HHIP: variants seen among roughly 807,000 people sequenced by gnomAD.
HHIP encodes the protein hedgehog-interacting protein.
HHIP carries 12 observed loss-of-function variants against 74.0 expected under a neutral mutation model. The ratio of observed to expected loss-of-function variants is 0.16; its 90% CI spans 0.10 to 0.26. The LOEUF is 0.26. HHIP is among the 10% of genes least tolerant of loss of function. HHIP has a pLI of 1.00. For missense variants in HHIP, 788 were observed against 845.0 expected, an observed-to-expected ratio of 0.93 and a Z score of 0.84; for synonymous variants, 309 against 311.6, an observed-to-expected ratio of 0.99 and a Z score of 0.09.
intron 4 of HHIP, among the ~76,000 whole-genome samples, chr4:144,694,112 C>A (rs1192272168): frequency 2.6e-5 from 4 of 151,788 alleles, no homozygotes; most frequent in Admixed American, 2.6e-4. Flanking sequence ...ATCAAAGATT[C>A]AAAGAATTTG....
At position 144,657,002 on chromosome 4, in the gene HHIP, G is replaced by T. The variant is rs367923218; in HGVS notation, c.473-1788G>T. Among the ~76,000 whole-genome samples the T allele has an allele frequency of 1.3e-4, 19 of 151,778 alleles. No individual in the cohort carries two copies. The South Asian group carries it at 3.3e-3, about 27-fold the overall frequency. ...CCTCTTTTTCTCTGTGCCCCCCACC[G>T]CATGCATGTACACACACATACACAC... On this transcript the variant is annotated intron_variant, in intron 2 of 12. Transcript: ENST00000296575.
At chr4:144,711,039 T>C (rs1235789622) in intron 7 of HHIP, among the ~76,000 whole-genome samples, 1 of 100,634 alleles carries the variant, frequency 9.9e-6, no homozygotes, top group African/African-American at 3.4e-5. Context: ...AGTGATGAAG[T>C]TGCAAGTCCT....
At chr4:144,717,706 A>C (rs1730496858) in intron 10 of HHIP, among the ~76,000 whole-genome samples, 1 of 152,044 alleles carries the variant, frequency 6.6e-6, no homozygotes, top group African/African-American at 2.4e-5. Context: ...CAAGAGTTAG[A>C]GTTTAGAGAG....
At chr4:144,719,633 T>C (rs1302227423) in intron 11 of HHIP, among the ~76,000 whole-genome samples, 1 of 152,232 alleles carries the variant, frequency 6.6e-6, no homozygotes, top group Non-Finnish European at 1.5e-5. Context: ...GTTAATTTCA[T>C]GGATCAAACC....
At chr4:144,684,701 T>A (rs574750044) in intron 4 of HHIP, among the ~76,000 whole-genome samples, 10 of 152,318 alleles carry the variant, frequency 6.6e-5, no homozygotes, top group African/African-American at 2.4e-4. Context: ...TTTGAGATTA[T>A]GGTTTATATT....
chr4:144,705,206 A>T (rs756572739), intron 4 of HHIP, among the ~76,000 whole-genome samples: 14 of 152,208 alleles, frequency 9.2e-5, no homozygotes, highest in Non-Finnish European at 1.5e-4. Flanking sequence ...GATGTTTATT[A>T]AAAGTAAACT....
At chr4:144,700,990 T>C (rs1444285108) in intron 4 of HHIP, among the ~76,000 whole-genome samples, 1 of 152,034 alleles carries the variant, frequency 6.6e-6, no homozygotes, top group South Asian at 2.1e-4. Flanking sequence ...GGTCCCATTT[T>C]AGTCCCAAGT....
intron 11 of HHIP, among the ~76,000 whole-genome samples, chr4:144,721,326 G>A (rs1730628360): frequency 6.6e-6 from 1 of 151,928 alleles, no homozygotes; most frequent in South Asian, 2.1e-4. Context: ...CACACAATGA[G>A]GGAGTTTAGA....
Position 144,737,896 on chromosome 4 carries a change from T to C in HHIP, c.2042T>C (p.Ile681Thr). The C allele has an allele frequency of 6.2e-7, 1 of 1,613,556 alleles. No homozygotes were observed. Among genetic ancestry groups the C allele is most frequent in the Non-Finnish European group, 8.5e-7 (1 of 1,179,636 alleles). The change falls in exon 13 of 13, where the codon ATT becomes ACT. Residue 681 changes from isoleucine to threonine, a missense_variant. Around this residue, in one of 3 missense-constraint regions of HHIP, gnomAD observed 343 missense variants for 347.9 expected, o/e 0.99. Coordinates refer to ENST00000296575, the MANE Select transcript of HHIP (RefSeq NM_022475.3). Reference sequence around the variant, plus strand: ...ATCCGCAGAGTGACCAGGGCAGGTATTCTTGATCAGATCATTGACATGACA... The same window carrying C: ...ATCCGCAGAGTGACCAGGGCAGGTACTCTTGATCAGATCATTGACATGACA... ...RNIRRVTRAGILDQIIDMTSY... is the reference protein window; with the variant it reads ...RNIRRVTRAGTLDQIIDMTSY...
At chr4:144,714,397 A>G in intron 9 of HHIP, 49 bp downstream of exon 9, 2 of 1,590,642 alleles carry the variant, frequency 1.3e-6, no homozygotes, top group East Asian at 2.2e-5. Context: ...TGACATATCC[A>G]TTAATCATTT....
chr4:144,677,020 A>G (rs1242954892), intron 4 of HHIP, among the ~76,000 whole-genome samples: 1 of 152,202 alleles, frequency 6.6e-6, no homozygotes, highest in African/African-American at 2.4e-5. Context: ...TACCTATAAA[A>G]CATCTTATAT....
chr4:144,672,416 G>A (rs1039529290), intron 4 of HHIP, among the ~76,000 whole-genome samples: 4 of 152,132 alleles, frequency 2.6e-5, no homozygotes, highest in South Asian at 2.1e-4. Context: ...TTCAAACCTC[G>A]GTCAAGGTGA....
chr4:144,687,322 T>C (rs920971565), intron 4 of HHIP, among the ~76,000 whole-genome samples: 9 of 152,198 alleles, frequency 5.9e-5, no homozygotes, highest in African/African-American at 2.2e-4. Flanking sequence ...ATTCCACAGA[T>C]GGTGCTACTC....
chr4:144,671,943 C>A (rs1429573749), intron 4 of HHIP, among the ~76,000 whole-genome samples: 1 of 152,136 alleles, frequency 6.6e-6, no homozygotes. Context: ...GAGATCATGC[C>A]ATTGCACTCC....
rs534896291 is a variant in HHIP, at chr4:144,738,830, C to T, written c.*873C>T. The T allele has an allele frequency of 1.1e-5, 3 of 272,640 alleles. No homozygotes were observed. The highest frequency in any genetic ancestry group is 1.7e-5 in the Non-Finnish European group (3 of 178,016). The allele number at this position is 272,640 out of a possible 1,614,324, so 16.9% of individuals were successfully genotyped here. On this transcript the variant is annotated 3_prime_UTR_variant, in exon 13 of 13. Coordinates refer to ENST00000296575, the MANE Select transcript of HHIP (RefSeq NM_022475.3). ...GAGAAAGCAAACAGTCTTTAATGTG[C>T]TGTGGATCTAATCTAGCAAGGTATC...
chr4:144,705,363 C>T (rs907647797), intron 4 of HHIP, among the ~76,000 whole-genome samples: 1 of 152,060 alleles, frequency 6.6e-6, no homozygotes, highest in South Asian at 2.1e-4. Flanking sequence ...GAAGAGGTTG[C>T]AGTATTAGAG....
intron 11 of HHIP, among the ~76,000 whole-genome samples, chr4:144,726,351 A>G (rs1335916117): frequency 6.6e-6 from 1 of 152,152 alleles, no homozygotes; most frequent in Non-Finnish European, 1.5e-5. Flanking sequence ...TCAGTATATT[A>G]TATTTGCATT....
chr4:144,661,871 T>C (rs1728723136), intron 4 of HHIP, among the ~76,000 whole-genome samples: 1 of 152,196 alleles, frequency 6.6e-6, no homozygotes, highest in Non-Finnish European at 1.5e-5. Flanking sequence ...TATCAACTAT[T>C]CTATTTTTTC....
Position 144,712,029 on chromosome 4 carries a change from T to A in HHIP, c.1381T>A (p.Ser461Thr), listed in dbSNP as rs1174305354. 6.2e-7 allele frequency: 1 copy of A among 1,612,652 alleles called. No homozygotes were observed. The highest frequency in any genetic ancestry group is 2.2e-5 in the East Asian group (1 of 44,830). The stretch of plus-strand genomic sequence containing the variant: ...TTCAGACTCCAATGGAAAAAACAGA[T>A]CATCAGCCAGAATTCTACAGATAAT... ...LCSDSNGKNR[S>T]SARILQIIKG... The change falls in exon 8 of 13, where the codon TCA becomes ACA. Residue 461 changes from serine (S) to threonine (T), a missense_variant. By Grantham distance (58) the Ser-to-Thr change is moderately conservative. Around this residue, in one of 3 missense-constraint regions of HHIP, gnomAD observed 343 missense variants for 347.9 expected, o/e 0.99. Coordinates refer to ENST00000296575, the MANE Select transcript of HHIP (RefSeq NM_022475.3).
Sources: allele counts gnomAD v4.1 joint callset (sites outside exome capture counted in the v4.1 genomes callset), GRCh38; gene constraint gnomAD v4.1.1; regional missense constraint gnomAD v4.1.1; transcripts MANE v1.5; gene names NCBI Gene and HGNC (gene_info 2026-07-23, HGNC 2026-07-21).